CD44: variants seen among roughly 807,000 people sequenced by gnomAD.
The protein encoded by CD44 is CD44 antigen.
A neutral mutation model predicts 88.8 loss-of-function variants in CD44; 49 were observed. The observed-to-expected ratio is 0.55, with a 90% CI of 0.44 to 0.70. The LOEUF (loss-of-function observed/expected upper bound fraction) is 0.70, where lower values mean the gene tolerates loss of function less well. Among genes scored for constraint, CD44 ranks in the 30% least tolerant of loss-of-function variants. CD44 has a pLI of 0.00. For synonymous variants in CD44, 325 were observed against 312.3 expected, an observed-to-expected ratio of 1.04 and a Z score of -0.43; for missense variants, 883 against 913.8, an observed-to-expected ratio of 0.97 and a Z score of 0.43.
At chr11:35,197,346 T>C (rs1946855518) in intron 6 of CD44, 2 of 152,594 alleles carry the variant, frequency 1.3e-5, no homozygotes, top group African/African-American at 4.8e-5. Flanking sequence ...TGAATCTCAT[T>C]TAAAATGTAG....
chr11:35,163,878 G>C (rs1244527419), intron 1 of CD44, among the ~76,000 whole-genome samples: 1 of 152,130 alleles, frequency 6.6e-6, no homozygotes, highest in African/African-American at 2.4e-5. Context: ...AGAAAGAAGA[G>C]ATTTGTCTGC....
At chr11:35,141,755 C>T (rs904042673) in intron 1 of CD44, among the ~76,000 whole-genome samples, 26 of 152,274 alleles carry the variant, frequency 1.7e-4, no homozygotes, top group South Asian at 6.2e-4. Flanking sequence ...ATAACTGCCC[C>T]GGCCCTCGCT....
chr11:35,229,383 T>C lies in CD44; in HGVS notation c.*50T>C, dbSNP rs1019681296. ...AAACAACCGTTGGAAACATAACCAT[T>C]ACAGGGAGCTGGGACACTTAACAGA... is the stretch of plus-strand genomic sequence containing the variant. On this transcript the variant is annotated 3_prime_UTR_variant, in exon 18 of 18. Transcript: ENST00000428726. 4.2e-6 allele frequency: 5 copies of C among 1,191,528 alleles called. No homozygotes were observed. The highest frequency in any genetic ancestry group is 5.0e-6 in the Non-Finnish European group (4 of 804,474). 73.8% of individuals were successfully genotyped at this position (1,191,528 alleles called of 1,614,324 possible).
intron 1 of CD44, among the ~76,000 whole-genome samples, chr11:35,154,773 T>C (rs1252472726): frequency 1.3e-5 from 2 of 152,212 alleles, no homozygotes; most frequent in East Asian, 1.9e-4. Flanking sequence ...ATCTGTTGTG[T>C]ATATTTTGGT....
rs1946144455 is a variant in CD44, at chr11:35,190,318, A to AT, written c.667+257dup. ...TAAGAAGTGCCATATTGGAAGTTTT[A>AT]TTTTGGGGAGAGCCCTCCTTATTCT... is the stretch of plus-strand genomic sequence containing the variant. On this transcript the variant is annotated intron_variant, in intron 5 of 17. Transcript: ENST00000428726. The AT allele has an allele frequency of 7.4e-6, 4 of 543,926 alleles. No individual in the cohort carries two copies. In the Admixed American group the frequency reaches 1.3e-4, roughly 17 times the overall value. 33.7% of individuals were successfully genotyped at this position (543,926 alleles called of 1,614,324 possible).
chr11:35,145,243 C>A (rs540105239), intron 1 of CD44, among the ~76,000 whole-genome samples: 1 of 152,274 alleles, frequency 6.6e-6, no homozygotes, highest in South Asian at 2.1e-4. Context: ...TTTTTGTGGG[C>A]CCAGATCCCA....
At chr11:35,150,748 A>G (rs970858110) in intron 1 of CD44, among the ~76,000 whole-genome samples, 2 of 152,208 alleles carry the variant, frequency 1.3e-5, no homozygotes, top group East Asian at 1.9e-4. Context: ...CAGACACAGT[A>G]TTCTAGGAGA....
intron 4 of CD44, 114 bp from the exon 5 acceptor site, chr11:35,189,720 GA>G (rs1946081036): frequency 1.4e-6 from 1 of 716,118 alleles, no homozygotes; most frequent in African/African-American, 1.8e-5. Context: ...CCACTGGATA[GA>G]TAGGTGTTTC....
chr11:35,188,453 T>C (rs997500336), intron 4 of CD44, among the ~76,000 whole-genome samples: 1 of 152,200 alleles, frequency 6.6e-6, no homozygotes, highest in African/African-American at 2.4e-5. Context: ...TAAAAGACAC[T>C]ATGTCTAATG....
chr11:35,156,189 G>A (rs1173676081), intron 1 of CD44, among the ~76,000 whole-genome samples: 3 of 152,132 alleles, frequency 2.0e-5, no homozygotes, highest in Non-Finnish European at 4.4e-5. Context: ...TGAGTCCAAA[G>A]CTTAAGGGTC....
chr11:35,150,738 C>T lies in CD44; in HGVS notation c.67+11368C>T, dbSNP rs536935119. On this transcript the variant is annotated intron_variant, in intron 1 of 17. Coordinates refer to ENST00000428726, the MANE Select transcript of CD44 (RefSeq NM_000610.4). Reference sequence around the variant, plus strand: ...TCATCTGTCTCTCCAGCTAATCATACAGACACAGTATTCTAGGAGAAGTGA... The same window carrying T: ...TCATCTGTCTCTCCAGCTAATCATATAGACACAGTATTCTAGGAGAAGTGA... Among the ~76,000 whole-genome samples the T allele has an allele frequency of 1.2e-4, 18 of 152,338 alleles. No homozygotes were observed. In the South Asian group the frequency reaches 3.5e-3, roughly 30 times the overall value.
chr11:35,192,582 T>A (rs1215890085), intron 5 of CD44, among the ~76,000 whole-genome samples: 1 of 152,046 alleles, frequency 6.6e-6, no homozygotes, highest in African/African-American at 2.4e-5. Context: ...GAAGGGCCTG[T>A]AGTGGGTGGC....
chr11:35,157,173 A>G (rs759827890), intron 1 of CD44, among the ~76,000 whole-genome samples: 14 of 152,056 alleles, frequency 9.2e-5, no homozygotes, highest in Non-Finnish European at 2.1e-4. Context: ...CTGAATTTGG[A>G]TTCTCCTTTT....
intron 1 of CD44, among the ~76,000 whole-genome samples, chr11:35,171,126 A>T (rs768268313): frequency 3.9e-5 from 6 of 152,262 alleles, no homozygotes; most frequent in Non-Finnish European, 8.8e-5. Context: ...TGCTGTTGGC[A>T]TTATTAATAT....
rs192168915 is a variant in CD44 at position 35,157,095 on chromosome 11, C to G, written c.67+17725C>G. Among the ~76,000 whole-genome samples, 120 of 152,344 alleles carry G rather than the reference C, an allele frequency of 7.9e-4. 1 individual carries two copies. Among genetic ancestry groups the G allele is most frequent in the African/African-American group, 2.9e-3 (119 of 41,586 alleles). On this transcript the variant is annotated intron_variant, in intron 1 of 17. Transcript: ENST00000428726. ...TATTGGTCCATAACCTCTATCGAGA[C>G]AGTGACCTTGTCTGCTTTATTCAAT... is the stretch of plus-strand genomic sequence containing the variant.
intron 4 of CD44, among the ~76,000 whole-genome samples, chr11:35,187,141 G>T (rs1020790110): frequency 7.9e-5 from 12 of 152,088 alleles, no homozygotes; most frequent in African/African-American, 2.9e-4. Context: ...GGGCATAGTG[G>T]CAGGTGCCTG....
rs747837576 is a variant in CD44, at chr11:35,229,328, G to A, written c.2224G>A (p.Val742Met). 1 of 1,601,272 alleles carries A rather than the reference G, an allele frequency of 6.2e-7. No individual in the cohort carries two copies. Among genetic ancestry groups the A allele is most frequent in the Non-Finnish European group, 8.6e-7 (1 of 1,168,556 alleles). Residue 742 changes from valine (V) to methionine (M), a missense_variant, in exon 18 of 18, where the codon GTG (valine) becomes ATG (methionine). Val to Met is a conservative substitution (Grantham distance 21). Around this residue, in one of 2 missense-constraint regions of CD44, gnomAD observed 631 missense variants for 590.9 expected, o/e 1.07. Transcript: ENST00000428726. Reference sequence around the variant, plus strand: ...GCAGAATGTGGACATGAAGATTGGGGTGTAACACCTACACCATTATCTTGG... The same window carrying A: ...GCAGAATGTGGACATGAAGATTGGGATGTAACACCTACACCATTATCTTGG... ...NLQNVDMKIG[V>M]
intron 3 of CD44, among the ~76,000 whole-genome samples, chr11:35,181,914 T>TTATATTTATCTATTATAATATATATATTA (rs1554962187): frequency 1.5e-5 from 1 of 67,742 alleles, no homozygotes; most frequent in African/African-American, 8.7e-5. Context: ...ATAATATATA[T>TTATATTTATCTATTATAATATATATATTA]TATATATTAT....
At chr11:35,179,012 A>G (rs1944732605) in intron 2 of CD44, among the ~76,000 whole-genome samples, 7 of 152,184 alleles carry the variant, frequency 4.6e-5, no homozygotes, top group Admixed American at 4.6e-4. Flanking sequence ...TCTTAGATAT[A>G]TGAAAACTTA....
Sources: allele counts gnomAD v4.1 joint callset (sites outside exome capture counted in the v4.1 genomes callset), GRCh38; gene constraint gnomAD v4.1.1; regional missense constraint gnomAD v4.1.1; transcripts MANE v1.5; gene names NCBI Gene and HGNC (gene_info 2026-07-23, HGNC 2026-07-21).